The following KATNIP variants were observed in gnomAD, a reference collection of about 807,000 sequenced individuals.
KATNIP encodes the protein katanin interacting protein.
A neutral mutation model predicts 174.0 loss-of-function variants in KATNIP; 126 were observed. The observed-to-expected ratio is 0.72, with a 90% confidence interval of 0.63 to 0.84. The LOEUF is 0.84. Among genes scored for constraint, KATNIP ranks in the 40% least tolerant of loss-of-function variants. KATNIP has a pLI of 0.00. For synonymous variants in KATNIP, 810 were observed against 835.7 expected, an observed-to-expected ratio of 0.97 and a Z score of 0.53; for missense variants, 1,958 against 2,109.7, an observed-to-expected ratio of 0.93 and a Z score of 1.41.
chr16:27,590,715 TG>T (rs2075135305), intron 2 of KATNIP, among the ~76,000 whole-genome samples: 1 of 152,222 alleles, frequency 6.6e-6, no homozygotes, highest in East Asian at 1.9e-4. Flanking sequence ...ACCCTTGGCC[TG>T]GGGCCTTCTC....
chr16:27,582,958 G>A (rs996353168), intron 2 of KATNIP, among the ~76,000 whole-genome samples: 6 of 152,172 alleles, frequency 3.9e-5, no homozygotes, highest in African/African-American at 1.4e-4. Flanking sequence ...TGGTATGATG[G>A]AAGAATGGTG....
chr16:27,665,392 A>G (rs1365131391), intron 6 of KATNIP, among the ~76,000 whole-genome samples: 2 of 151,948 alleles, frequency 1.3e-5, no homozygotes, highest in Middle Eastern at 6.3e-3. Flanking sequence ...GGCATGAGCC[A>G]CTGTGCCCAG....
At chr16:27,712,403 G>C (rs1405237033) in intron 13 of KATNIP, among the ~76,000 whole-genome samples, 2 of 152,090 alleles carry the variant, frequency 1.3e-5, no homozygotes, top group East Asian at 1.9e-4. Flanking sequence ...GCATCGCCTC[G>C]TTTAACCCTC....
At chr16:27,746,223 C>G (rs928370149) in intron 15 of KATNIP, among the ~76,000 whole-genome samples, 2 of 152,104 alleles carry the variant, frequency 1.3e-5, no homozygotes, top group Non-Finnish European at 1.5e-5. Context: ...CTGCCTGCCT[C>G]GCACACTCAG....
chr16:27,630,915 T>TG (rs2142162442), intron 4 of KATNIP, 150 bp from the exon 5 acceptor site: 1 of 619,016 alleles, frequency 1.6e-6, no homozygotes, highest in South Asian at 2.0e-5. Context: ...TCTGATGTCT[T>TG]GTTGCCACAA....
intron 2 of KATNIP, among the ~76,000 whole-genome samples, chr16:27,606,591 G>T (rs767503460): frequency 6.6e-6 from 1 of 151,752 alleles, no homozygotes; most frequent in Admixed American, 6.6e-5. Flanking sequence ...TGAGTAAAAC[G>T]TTAGTGCTGG....
At chr16:27,568,985 G>A (rs2090187916) in intron 1 of KATNIP, among the ~76,000 whole-genome samples, 1 of 152,130 alleles carries the variant, frequency 6.6e-6, no homozygotes, top group Non-Finnish European at 1.5e-5. Flanking sequence ...GATAAATAGA[G>A]GGAGTGATTA....
Position 27,597,402 on chromosome 16 carries a change from C to CTTTTTT in KATNIP, c.64-20999_64-20994dup, listed in dbSNP as rs36005993. Among the ~76,000 whole-genome samples the CTTTTTT allele has an allele frequency of 3.9e-3, 180 of 46,130 alleles. 2 individuals carry two copies. Among genetic ancestry groups the CTTTTTT allele is most frequent in the Non-Finnish European group, 6.3e-3 (148 of 23,594 alleles). The allele number at this position is 46,130 out of a possible 152,430, so 30.3% of individuals were successfully genotyped here. On this transcript the variant is annotated intron_variant, in intron 2 of 27. Coordinates refer to ENST00000261588, the MANE Select transcript of KATNIP (RefSeq NM_015202.5). ...GGTATTTTTTAATGTATTTTCTTTTCTTTTTTTTTTTTTTTTTTTTTTTTT... is the reference window on the plus strand; with the variant it reads ...GGTATTTTTTAATGTATTTTCTTTTCTTTTTTTTTTTTTTTTTTTTTTTTTTTTTTT...
intron 6 of KATNIP, among the ~76,000 whole-genome samples, chr16:27,672,601 C>G (rs996615247): frequency 1.3e-5 from 2 of 152,192 alleles, no homozygotes; most frequent in Admixed American, 1.3e-4. Context: ...TTATTGTCTT[C>G]CCCATTGGTT....
intron 11 of KATNIP, 116 bp from the exon 12 acceptor site, chr16:27,703,780 T>C: frequency 2.5e-6 from 2 of 786,748 alleles, no homozygotes; most frequent in Non-Finnish European, 4.5e-6. Context: ...GGATACAGAG[T>C]GCATACTTCC....
chr16:27,642,329 G>A (rs188769194), intron 5 of KATNIP, among the ~76,000 whole-genome samples: 54 of 152,214 alleles, frequency 3.5e-4, no homozygotes, highest in African/African-American at 9.2e-4. Context: ...ACCAAACACC[G>A]CATGTTCTCA....
At position 27,582,952 on chromosome 16, in the gene KATNIP, A is replaced by G. The variant is rs902025181; in HGVS notation, c.63+8996A>G. ...AGGACACAGATTGGGCCCCTTTGGT[A>G]TGATGGAAGAATGGTGCATAATCCA... On this transcript the variant is annotated intron_variant, in intron 2 of 27. Transcript: ENST00000261588. 3.3e-5 allele frequency among the ~76,000 whole-genome samples: 5 copies of G among 152,318 alleles called. No homozygotes were observed. The South Asian group carries it at 1.0e-3, about 32-fold the overall frequency.
At chr16:27,757,386 C>T in intron 18 of KATNIP, 1 of 472,376 alleles carries the variant, frequency 2.1e-6, no homozygotes, top group Non-Finnish European at 2.8e-6. Flanking sequence ...GGACCGAGCA[C>T]AGGGTGGTTC....
intron 6 of KATNIP, among the ~76,000 whole-genome samples, chr16:27,675,351 C>G (rs1398358896): frequency 1.3e-5 from 2 of 152,188 alleles, no homozygotes; most frequent in African/African-American, 4.8e-5. Flanking sequence ...TTATCTCCAC[C>G]TGGCCCTGCC....
chr16:27,550,294 G>A (rs2089290867), intron 1 of KATNIP, 117 bp downstream of exon 1: 1 of 1,206,986 alleles, frequency 8.3e-7, no homozygotes, highest in East Asian at 2.4e-5. Flanking sequence ...CTGACCCAAG[G>A]GGGTCTCCGA....
At chr16:27,681,668 G>A in intron 8 of KATNIP, 138 bp downstream of exon 8, 1 of 890,228 alleles carries the variant, frequency 1.1e-6, no homozygotes, top group Admixed American at 2.1e-5. Flanking sequence ...ATTAGTCAGG[G>A]GTCTGCAGAG....
chr16:27,731,405 C>A (rs1235046498), intron 14 of KATNIP, among the ~76,000 whole-genome samples: 1 of 152,196 alleles, frequency 6.6e-6, no homozygotes, highest in Non-Finnish European at 1.5e-5. Context: ...GAGGGTGGCT[C>A]CTGTTTCTTG....
chr16:27,694,054 A>G (rs1453813184), intron 8 of KATNIP, among the ~76,000 whole-genome samples: 1 of 152,064 alleles, frequency 6.6e-6, no homozygotes, highest in Admixed American at 6.5e-5. Flanking sequence ...GGGCATTTGC[A>G]CTCACAGCCC....
chr16:27,772,017 C>G (rs1029918067), intron 22 of KATNIP, among the ~76,000 whole-genome samples: 1 of 152,166 alleles, frequency 6.6e-6, no homozygotes, highest in Non-Finnish European at 1.5e-5. Flanking sequence ...TAGCTCACAC[C>G]TGTAATCCCA....
Sources: gnomAD v4.1 joint callset for allele counts (sites outside exome capture counted in the v4.1 genomes callset) on GRCh38, gnomAD v4.1.1 for gene constraint, MANE v1.5 for transcripts, NCBI Gene and HGNC (gene_info 2026-07-23, HGNC 2026-07-21) for gene names.